The following HDLBP variants were observed in gnomAD, a reference collection of about 807,000 sequenced individuals.
The protein encoded by HDLBP is high density lipoprotein binding protein.
Under a neutral mutation model 137.3 loss-of-function variants are expected in HDLBP, and 30 were observed. The ratio of observed to expected loss-of-function variants is 0.22; its 90% CI spans 0.16 to 0.30. The LOEUF (loss-of-function observed/expected upper bound fraction) is 0.30, where lower values mean the gene tolerates loss of function less well. HDLBP is among the 10% of genes least tolerant of loss of function. The pLI is 1.00. For missense variants in HDLBP, 1,119 were observed against 1,667.3 expected (o/e 0.67, Z 5.73); for synonymous variants, 606 against 596.0 (o/e 1.02, Z -0.24).
chr2:241,252,637 G>A (rs1234111726), intron 11 of HDLBP, among the ~76,000 whole-genome samples: 1 of 152,242 alleles, frequency 6.6e-6, no homozygotes, highest in Non-Finnish European at 1.5e-5. Flanking sequence ...TAACCTAGCA[G>A]GTCTGACGGA....
At chr2:241,254,747 G>A (rs1269508387) in intron 9 of HDLBP, among the ~76,000 whole-genome samples, 2 of 152,134 alleles carry the variant, frequency 1.3e-5, no homozygotes, top group African/African-American at 4.8e-5. Context: ...GCCCGCCAAA[G>A]TATCATGAAG....
intron 1 of HDLBP, among the ~76,000 whole-genome samples, chr2:241,306,056 G>A (rs777161141): frequency 3.9e-5 from 6 of 151,972 alleles, no homozygotes; most frequent in East Asian, 3.9e-4. Flanking sequence ...CACCGCGCCC[G>A]GCCAAAAAGT....
intron 1 of HDLBP, among the ~76,000 whole-genome samples, chr2:241,304,077 G>T (rs954244456): frequency 6.6e-6 from 1 of 152,218 alleles, no homozygotes; most frequent in Non-Finnish European, 1.5e-5. Context: ...TTCCCAGAAT[G>T]CTGGGATTAC....
At chr2:241,297,323 G>A (rs2075216050) in intron 1 of HDLBP, among the ~76,000 whole-genome samples, 1 of 152,190 alleles carries the variant, frequency 6.6e-6, no homozygotes, top group African/African-American at 2.4e-5. Flanking sequence ...AATCAAGGAA[G>A]TAAACATATT....
intron 12 of HDLBP, 84 bp downstream of exon 12, chr2:241,249,757 G>A (rs972775042): frequency 4.6e-5 from 61 of 1,333,072 alleles, no homozygotes; most frequent in African/African-American, 2.3e-4. Flanking sequence ...CTCTAAGGCC[G>A]CACACCACAA....
At chr2:241,313,592 C>G (rs1350378471) in intron 1 of HDLBP, among the ~76,000 whole-genome samples, 5 of 152,118 alleles carry the variant, frequency 3.3e-5, no homozygotes, top group Admixed American at 6.5e-5. Flanking sequence ...AAGACTATAT[C>G]CTCTCAACCT....
chr2:241,306,551 G>A (rs951400780), intron 1 of HDLBP, among the ~76,000 whole-genome samples: 16 of 152,072 alleles, frequency 1.1e-4, no homozygotes, highest in Admixed American at 5.9e-4. Context: ...GAGCCACTGC[G>A]CCTGGCCTCA....
chr2:241,249,048 G>C (rs150060310), intron 12 of HDLBP, among the ~76,000 whole-genome samples: 1 of 152,120 alleles, frequency 6.6e-6, no homozygotes, highest in Non-Finnish European at 1.5e-5. Flanking sequence ...TGGGCTGGAG[G>C]CCAGGCTAAG....
chr2:241,236,977 T>TGGGGGGG (rs530665718), intron 20 of HDLBP, among the ~76,000 whole-genome samples: 1 of 108,198 alleles, frequency 9.2e-6, no homozygotes, highest in African/African-American at 3.9e-5. Flanking sequence ...TCCCAGACCT[T>TGGGGGGG]GGGGGGGGGG....
chr2:241,291,065 C>T (rs893548995), intron 1 of HDLBP, among the ~76,000 whole-genome samples: 3 of 152,258 alleles, frequency 2.0e-5, no homozygotes, highest in African/African-American at 4.8e-5. Flanking sequence ...TCACACGAGG[C>T]GCTTTACTTT....
chr2:241,267,530 TCTC>T, intron 2 of HDLBP: 1 of 1,509,594 alleles, frequency 6.6e-7, no homozygotes, highest in Non-Finnish European at 8.9e-7. Context: ...CCAGGATCGT[TCTC>T]CTAACAGCGA....
chr2:241,251,617 T>G (rs2072181360), intron 11 of HDLBP, among the ~76,000 whole-genome samples: 1 of 152,254 alleles, frequency 6.6e-6, no homozygotes, highest in Non-Finnish European at 1.5e-5. Flanking sequence ...ACGCGACGTG[T>G]GCACTTGTTT....
chr2:241,229,824 G>A lies in HDLBP; in HGVS notation c.3720+9C>T, dbSNP rs193157367. The A allele has an allele frequency of 2.9e-5, 23 of 800,518 alleles. No homozygotes were observed. Among genetic ancestry groups the A allele is most frequent in the Middle Eastern group, 5.7e-4 (2 of 3,536 alleles). The allele number at this position is 800,518 out of a possible 1,614,324, so 49.6% of individuals were successfully genotyped here. A position where few individuals can be genotyped will look rare whatever the true frequency, so the allele number is the denominator to read the frequency against. The stretch of plus-strand genomic sequence containing the variant: ...CTGGGACCCAGGAGGGCAGAAGCCC[G>A]CATCTGACCTTCTCACTGCTGCTGG... On this transcript the variant is annotated intron_variant, in intron 27 of 27. Transcript: ENST00000310931.
rs2074110859 is a variant in HDLBP at position 241,272,210 on chromosome 2, G to GC, written c.-102-3670dup. 2 of 982,450 alleles carry GC rather than the reference G, an allele frequency of 2.0e-6. No homozygotes were observed. The highest frequency in any genetic ancestry group is 2.4e-6 in the Non-Finnish European group (2 of 827,770). The allele number at this position is 982,450 out of a possible 1,614,324, so 60.9% of individuals were successfully genotyped here. On this transcript the variant is annotated intron_variant, in intron 1 of 27. Coordinates refer to ENST00000310931, the MANE Select transcript of HDLBP (RefSeq NM_005336.6). The surrounding 1 kb of genome is among the most constrained non-coding windows in gnomAD (Gnocchi z 5.6). ...CGCGGCAGGTGGAGGTGCTGCGGGG[G>GC]CCCCGCCGCCCGGTCTGCGCCCAGA...
At chr2:241,245,095 T>C (rs10933540) in intron 16 of HDLBP, among the ~76,000 whole-genome samples, 112,689 of 152,146 alleles carry the variant, frequency 0.74, 42,830 homozygotes, top group East Asian at 0.95. Flanking sequence ...TATTTAACCG[T>C]GTTTGTTAAA....
At chr2:241,274,701 C>T (rs1466013259) in intron 1 of HDLBP, among the ~76,000 whole-genome samples, 3 of 152,288 alleles carry the variant, frequency 2.0e-5, no homozygotes, top group Middle Eastern at 3.4e-3. Flanking sequence ...TGCTAATAAC[C>T]GTCCAGAATG....
Position 241,272,994 on chromosome 2 carries a change from C to T in HDLBP, c.-102-4453G>A, listed in dbSNP as rs1030072047. 2.2e-5 allele frequency: 22 copies of T among 983,592 alleles called. No individual in the cohort carries two copies. The highest frequency in any genetic ancestry group is 6.2e-5 in the Admixed American group (1 of 16,256). The allele number at this position is 983,592 out of a possible 1,614,324, so 60.9% of individuals were successfully genotyped here. Reference sequence around the variant, plus strand: ...CAGGCGTGGTTCTGCATCCTTTTTTCGGGTGGGGAAGGCGGTGCCGAGGAG... The same window carrying T: ...CAGGCGTGGTTCTGCATCCTTTTTTTGGGTGGGGAAGGCGGTGCCGAGGAG... On this transcript the variant is annotated intron_variant, in intron 1 of 27. Transcript: ENST00000310931. The surrounding 1 kb of genome is among the most constrained non-coding windows in gnomAD (Gnocchi z 5.6).
intron 1 of HDLBP, among the ~76,000 whole-genome samples, chr2:241,269,826 C>T (rs2073925335): frequency 6.6e-6 from 1 of 152,166 alleles, no homozygotes; most frequent in South Asian, 2.1e-4. Flanking sequence ...GCACTCCAGG[C>T]TAAGGTGCCC....
chr2:241,313,431 C>T (rs1182279337), intron 1 of HDLBP, among the ~76,000 whole-genome samples: 1 of 152,126 alleles, frequency 6.6e-6, no homozygotes, highest in Non-Finnish European at 1.5e-5. Flanking sequence ...AGGCGCGCGC[C>T]ACCATGCCAG....
Sources: allele counts gnomAD v4.1 joint callset (sites outside exome capture counted in the v4.1 genomes callset), GRCh38; gene constraint gnomAD v4.1.1; non-coding constraint Gnocchi (gnomAD v3.1); transcripts MANE v1.5; gene names NCBI Gene and HGNC (gene_info 2026-07-23, HGNC 2026-07-21).